The following PRKAR2B variants were observed in gnomAD, a reference collection of about 807,000 sequenced individuals.
The protein encoded by PRKAR2B is protein kinase cAMP-dependent type II regulatory subunit beta.
In PRKAR2B, 14 loss-of-function variants were observed where a neutral mutation model predicts 49.9. The observed-to-expected ratio is 0.28, with a 90% CI of 0.19 to 0.44. The LOEUF is 0.44. Among genes scored for constraint, PRKAR2B ranks in the 20% least tolerant of loss-of-function variants. The probability of loss-of-function intolerance (pLI) is 1.00; values close to 1 mark genes in which losing one functional copy is unlikely to be tolerated. For missense variants in PRKAR2B, 393 were observed against 537.9 expected (o/e 0.73, Z 2.67); for synonymous variants, 196 against 197.7 (o/e 0.99, Z 0.07).
At chr7:107,139,590 G>T (rs1293029624) in intron 4 of PRKAR2B, among the ~76,000 whole-genome samples, 5 of 152,178 alleles carry the variant, frequency 3.3e-5, no homozygotes, top group Admixed American at 6.5e-5. Flanking sequence ...TTGGTGCTCT[G>T]CAAGGCATGT....
At chr7:107,156,961 GTT>G in intron 8 of PRKAR2B, 21 bp from the exon 9 acceptor site, 1 of 1,587,984 alleles carries the variant, frequency 6.3e-7, no homozygotes, top group Non-Finnish European at 8.6e-7. Context: ...TTCACCGTCT[GTT>G]TTTGTTATTG....
intron 2 of PRKAR2B, among the ~76,000 whole-genome samples, chr7:107,071,369 G>A (rs1333523012): frequency 6.6e-6 from 1 of 152,152 alleles, no homozygotes; most frequent in Non-Finnish European, 1.5e-5. Context: ...TAGTGACCAG[G>A]TCTATAAGGA....
chr7:107,128,322 G>A (rs767470017), intron 4 of PRKAR2B, 27 bp downstream of exon 4: 2 of 1,552,292 alleles, frequency 1.3e-6, no homozygotes, highest in Admixed American at 3.3e-5. Flanking sequence ...TAATAGAAAT[G>A]GCTTTGTTTT....
At chr7:107,111,139 T>A (rs1170495379) in intron 2 of PRKAR2B, among the ~76,000 whole-genome samples, 1 of 152,094 alleles carries the variant, frequency 6.6e-6, no homozygotes, top group Non-Finnish European at 1.5e-5. Flanking sequence ...GTACGCCCCA[T>A]AGGTCTATAG....
intron 2 of PRKAR2B, among the ~76,000 whole-genome samples, chr7:107,116,856 T>G (rs1049445596): frequency 6.7e-6 from 1 of 150,280 alleles, no homozygotes; most frequent in South Asian, 2.1e-4. Flanking sequence ...TTTACTTAGC[T>G]ATATATATAC....
chr7:107,102,168 C>G (rs1237494527), intron 2 of PRKAR2B, among the ~76,000 whole-genome samples: 1 of 152,128 alleles, frequency 6.6e-6, no homozygotes, highest in Non-Finnish European at 1.5e-5. Flanking sequence ...GATTGCACCA[C>G]TGCACTCCAG....
chr7:107,120,074 C>T (rs1408375570), intron 2 of PRKAR2B, among the ~76,000 whole-genome samples: 1 of 152,156 alleles, frequency 6.6e-6, no homozygotes, highest in East Asian at 1.9e-4. Context: ...CCTAGTCTTT[C>T]ATCTGTCAAG....
intron 2 of PRKAR2B, among the ~76,000 whole-genome samples, chr7:107,079,911 C>T (rs369694641): frequency 1.8e-4 from 28 of 152,168 alleles, no homozygotes; most frequent in South Asian, 1.5e-3. Context: ...GTGTGTAGAG[C>T]GGTGTGAGAT....
At chr7:107,087,674 G>C (rs1255094928) in intron 2 of PRKAR2B, among the ~76,000 whole-genome samples, 2 of 152,214 alleles carry the variant, frequency 1.3e-5, no homozygotes, top group East Asian at 3.9e-4. Context: ...CAGTACTTTG[G>C]GAGGCTGAGG....
intron 2 of PRKAR2B, among the ~76,000 whole-genome samples, chr7:107,094,670 G>C (rs987175984): frequency 6.6e-6 from 1 of 152,138 alleles, no homozygotes; most frequent in Non-Finnish European, 1.5e-5. Context: ...AATCCATCTT[G>C]AATTAATTTT....
rs772633149 is a variant in PRKAR2B, at chr7:107,070,291, A to T, written c.318A>T (p.Ile106=). 1 of 1,607,924 alleles carries T rather than the reference A, an allele frequency of 6.2e-7. No homozygotes were observed. Among genetic ancestry groups the T allele is most frequent in the Non-Finnish European group, 8.5e-7 (1 of 1,175,754 alleles). Residue 106 remains isoleucine, a synonymous_variant, in exon 2 of 11, where the codon ATA becomes ATT. Coordinates refer to ENST00000265717, the MANE Select transcript of PRKAR2B (RefSeq NM_002736.3). ...ADAGAFNAPV[I]NRFTRRASVC... is the part of the protein sequence containing the mutation. ...TGCTTTTTCTTTTAGCTCCAGTAAT[A>T]AACCGATTCACAAGGCGTGCCTCAG... is the stretch of plus-strand genomic sequence containing the variant.
At chr7:107,093,941 T>G (rs895413362) in intron 2 of PRKAR2B, among the ~76,000 whole-genome samples, 2 of 152,182 alleles carry the variant, frequency 1.3e-5, no homozygotes, top group African/African-American at 2.4e-5. Flanking sequence ...TTCCAAGTCT[T>G]TGCTATTGTG....
chr7:107,052,078 C>T (rs969740810), intron 1 of PRKAR2B, among the ~76,000 whole-genome samples: 3 of 152,192 alleles, frequency 2.0e-5, no homozygotes, highest in African/African-American at 4.8e-5. Flanking sequence ...AAACATGATT[C>T]GGCTGTTTCG....
At chr7:107,071,796 T>C (rs1230280183) in intron 2 of PRKAR2B, among the ~76,000 whole-genome samples, 3 of 152,324 alleles carry the variant, frequency 2.0e-5, no homozygotes, top group Non-Finnish European at 4.4e-5. Context: ...CTGGGCGAGG[T>C]GGCTCACGCC....
At chr7:107,083,573 T>G (rs1347216601) in intron 2 of PRKAR2B, among the ~76,000 whole-genome samples, 1 of 152,090 alleles carries the variant, frequency 6.6e-6, no homozygotes, top group African/African-American at 2.4e-5. Flanking sequence ...TTAATATTAT[T>G]AATTTATTCC....
intron 2 of PRKAR2B, among the ~76,000 whole-genome samples, chr7:107,089,104 G>A (rs932802325): frequency 1.2e-4 from 18 of 152,076 alleles, no homozygotes; most frequent in African/African-American, 4.1e-4. Flanking sequence ...GGGAGGTGGA[G>A]GTTTCAGTGA....
chr7:107,049,688 G>C (rs1397580654), intron 1 of PRKAR2B, among the ~76,000 whole-genome samples: 1 of 152,080 alleles, frequency 6.6e-6, no homozygotes, highest in Non-Finnish European at 1.5e-5. Context: ...TTCTTGGCGA[G>C]GTGAAGCAGG....
At chr7:107,140,124 C>T (rs1254499099) in intron 4 of PRKAR2B, among the ~76,000 whole-genome samples, 5 of 152,128 alleles carry the variant, frequency 3.3e-5, no homozygotes, top group Admixed American at 6.5e-5. Flanking sequence ...CTTTCACCTC[C>T]TAGTTTATTC....
At chr7:107,128,088 C>T in intron 3 of PRKAR2B, 124 bp from the exon 4 acceptor site, 1 of 656,378 alleles carries the variant, frequency 1.5e-6, no homozygotes, top group Non-Finnish European at 2.6e-6. Flanking sequence ...CAACCTGAAG[C>T]AAACTTGAGC....
Sources: gnomAD v4.1 joint callset for allele counts (sites outside exome capture counted in the v4.1 genomes callset) on GRCh38, gnomAD v4.1.1 for gene constraint, MANE v1.5 for transcripts, NCBI Gene and HGNC (gene_info 2026-07-23, HGNC 2026-07-21) for gene names.